PLEKHA1: variants seen among roughly 807,000 people sequenced by gnomAD.
PLEKHA1 encodes pleckstrin homology domain containing A1, also known as pleckstrin homology domain-containing family A member 1.
PLEKHA1 carries 34 observed loss-of-function variants against 52.0 expected under a neutral mutation model. The observed-to-expected ratio is 0.65, with a 90% CI of 0.50 to 0.87. The LOEUF (loss-of-function observed/expected upper bound fraction) is 0.87, where lower values mean the gene tolerates loss of function less well. Among genes scored for constraint, PLEKHA1 ranks in the 40% least tolerant of loss-of-function variants. The pLI is 0.00. For synonymous variants in PLEKHA1, 163 were observed against 170.7 expected (o/e 0.95, Z 0.35); for missense variants, 497 against 504.2 (o/e 0.99, Z 0.14).
chr10:122,376,341 C>T (rs886462716), intron 1 of PLEKHA1, among the ~76,000 whole-genome samples: 1 of 151,694 alleles, frequency 6.6e-6, no homozygotes, highest in Non-Finnish European at 1.5e-5. Context: ...AGTACTGATA[C>T]ATTTAAAAAA....
chr10:122,387,952 T>G (rs945323488), intron 1 of PLEKHA1: 1 of 152,182 alleles, frequency 6.6e-6, no homozygotes, highest in Non-Finnish European at 1.5e-5. Flanking sequence ...GTAAGATAAA[T>G]GTATGGGGCC....
intron 1 of PLEKHA1, among the ~76,000 whole-genome samples, chr10:122,376,831 T>G (rs979067696): frequency 6.6e-5 from 10 of 152,192 alleles, no homozygotes; most frequent in African/African-American, 2.4e-4. Flanking sequence ...AGAATAGCAT[T>G]GGATTCTTTT....
intron 4 of PLEKHA1, among the ~76,000 whole-genome samples, chr10:122,404,269 A>G (rs1301543170): frequency 2.0e-5 from 3 of 152,252 alleles, no homozygotes; most frequent in African/African-American, 7.2e-5. Context: ...CTATATATCT[A>G]CGTCTTGCCA....
Position 122,429,979 on chromosome 10 carries a change from G to C in PLEKHA1, c.*41G>C. The C allele has an allele frequency of 6.4e-7, 1 of 1,559,188 alleles. No individual in the cohort carries two copies. Among genetic ancestry groups the C allele is most frequent in the Non-Finnish European group, 8.7e-7 (1 of 1,154,798 alleles). ...AGCCTGCCTGCCTCTGCCGTCCTCA[G>C]TTTCCTTTCATGAGGCTTCTAGCCA... On this transcript the variant is annotated 3_prime_UTR_variant, in exon 12 of 12. Transcript: ENST00000368990.
chr10:122,406,483 G>T (rs913614534), intron 4 of PLEKHA1, 93 bp from the exon 5 acceptor site: 3 of 921,080 alleles, frequency 3.3e-6, no homozygotes, highest in Non-Finnish European at 5.4e-6. Context: ...GAGAGTCACG[G>T]TGTTGAACTT....
chr10:122,442,307 C>G, the PLEKHA1 span: 1 of 151,760 alleles, frequency 6.6e-6, no homozygotes, highest in African/African-American at 2.4e-5. Context: ...TTCCTCAAGA[C>G]AAGAATCTTT....
intron 1 of PLEKHA1, among the ~76,000 whole-genome samples, chr10:122,377,746 G>A (rs756912372): frequency 2.0e-5 from 3 of 152,118 alleles, no homozygotes; most frequent in Admixed American, 2.0e-4. Flanking sequence ...TGTGGGTACT[G>A]TCTAATAAGG....
In PLEKHA1 at chr10:122,415,950, C is replaced by T. The variant is rs774439862; in HGVS notation, c.560C>T (p.Pro187Leu). The T allele has an allele frequency of 6.8e-6, 11 of 1,613,478 alleles. No individual in the cohort carries two copies. The highest frequency in any genetic ancestry group is 5.9e-6 in the Non-Finnish European group (7 of 1,179,764). The stretch of plus-strand genomic sequence containing the variant: ...CTTCCTTACTTTACTCCTAAACCAC[C>T]TCAAGATAGTGCGGTTATCAAAGCT... The part of the protein sequence containing the change: ...SHLPYFTPKP[P>L]QDSAVIKAGY... The change falls in exon 7 of 12, where the codon CCT (proline) becomes CTT (leucine). Residue 187 changes from proline (P) to leucine (L), a missense_variant. Coordinates refer to ENST00000368990, the MANE Select transcript of PLEKHA1 (RefSeq NM_001001974.4).
chr10:122,435,879 C>T (rs1430630400), downstream of PLEKHA1: 1 of 149,436 alleles, frequency 6.7e-6, no homozygotes, highest in East Asian at 1.9e-4. Context: ...AATAATGAGA[C>T]ACCATCTCAA....
intron 5 of PLEKHA1, among the ~76,000 whole-genome samples, chr10:122,408,685 T>C (rs920158300): frequency 1.3e-5 from 2 of 152,162 alleles, no homozygotes; most frequent in African/African-American, 4.8e-5. Context: ...TCCTATGCTT[T>C]AATAAGATGC....
intron 8 of PLEKHA1, chr10:122,422,615 GA>G (rs1372932866): frequency 6.6e-6 from 1 of 152,214 alleles, no homozygotes; most frequent in Non-Finnish European, 1.5e-5. Flanking sequence ...TCTGAAAAAC[GA>G]ATGAAGAACT....
At chr10:122,418,076 G>T in intron 8 of PLEKHA1, 108 bp downstream of exon 8, 1 of 752,100 alleles carries the variant, frequency 1.3e-6, no homozygotes, top group Non-Finnish European at 2.1e-6. Context: ...AATAAGTCTA[G>T]TTTTTAGAGG....
chr10:122,439,886 A>G, the PLEKHA1 span: 33 of 152,314 alleles, frequency 2.2e-4, no homozygotes, highest in African/African-American at 7.9e-4. Flanking sequence ...TAGGCTTTCT[A>G]TCTTTTCTGG....
Position 122,426,927 on chromosome 10 carries a change from TC to T in PLEKHA1, c.811-14del. ...TTGAGAAAAAATTGTTTGAATGAGT[TC>T]TTTTTTCCTTTAGGCTGATAGCCCT... is the stretch of plus-strand genomic sequence containing the variant. On this transcript the variant is annotated splice_polypyrimidine_tract_variant and intron_variant, in intron 10 of 11. Coordinates refer to ENST00000368990, the MANE Select transcript of PLEKHA1 (RefSeq NM_001001974.4). The T allele has an allele frequency of 6.2e-7, 1 of 1,604,398 alleles. No homozygotes were observed. Among genetic ancestry groups the T allele is most frequent in the East Asian group, 2.2e-5 (1 of 44,790 alleles).
intron 1 of PLEKHA1, among the ~76,000 whole-genome samples, chr10:122,390,795 C>T (rs12242543): frequency 0.15 from 22,037 of 147,072 alleles, 1,746 homozygotes; most frequent in Middle Eastern, 0.21. Context: ...CACAGTAAAA[C>T]GAGGTGTGTG....
rs201146571 is a variant in PLEKHA1 at position 122,400,374 on chromosome 10, C to T, written c.230C>T (p.Ala77Val). ...GATGCTACTAAGCTAAGGCCAAAGG[C>T]GGAGTTCTGTTTTGGTAAGTAGCCA... The part of the protein sequence containing the change: ...VSDATKLRPK[A>V]EFCFVMNAGM... The change falls in exon 4 of 12, where the codon GCG (alanine) becomes GTG (valine). Residue 77 changes from alanine to valine, a missense_variant. Transcript: ENST00000368990. The T allele has an allele frequency of 1.4e-5, 22 of 1,606,740 alleles. No individual in the cohort carries two copies. The highest frequency in any genetic ancestry group is 1.8e-5 in the Non-Finnish European group (21 of 1,177,338).
chr10:122,405,159 A>C (rs1590629174), intron 4 of PLEKHA1, among the ~76,000 whole-genome samples: 1 of 152,216 alleles, frequency 6.6e-6, no homozygotes, highest in East Asian at 1.9e-4. Flanking sequence ...CCTAAAGGGG[A>C]ATATAGAAAC....
chr10:122,440,378 C>G, the PLEKHA1 span: 1 of 152,350 alleles, frequency 6.6e-6, no homozygotes, highest in East Asian at 1.9e-4. Context: ...ATCTGGCACT[C>G]CAGTTCAACT....
chr10:122,429,932 C>A lies in PLEKHA1; in HGVS notation c.1209C>A (p.Asp403Glu). The A allele has an allele frequency of 1.2e-6, 2 of 1,610,498 alleles. No individual in the cohort carries two copies. Among genetic ancestry groups the A allele is most frequent in the South Asian group, 2.2e-5 (2 of 90,546 alleles). ...DLDDASLPVS[D>E]V ...ACGATGCGAGCCTTCCGGTCAGTGA[C>A]GTGTGAGGCAGAAGCGCACGGAGCC... is the stretch of plus-strand genomic sequence containing the variant. Residue 403 changes from aspartate to glutamate, a missense_variant, in exon 12 of 12, where the codon GAC becomes GAA. By Grantham distance (45) the Asp-to-Glu change is conservative (BLOSUM62 2). Transcript: ENST00000368990.
Sources: gnomAD v4.1 joint callset for allele counts (sites outside exome capture counted in the v4.1 genomes callset) on GRCh38, gnomAD v4.1.1 for gene constraint, MANE v1.5 for transcripts, NCBI Gene and HGNC (gene_info 2026-07-23, HGNC 2026-07-21) for gene names.